Variants in TPCN1 observed in about 807,000 individuals in gnomAD.
The protein encoded by TPCN1 is two pore segment channel 1.
In TPCN1, 52 loss-of-function variants were observed where a neutral mutation model predicts 108.8. That is an observed-to-expected ratio of 0.48 (90% CI 0.38 to 0.60). TPCN1 has a LOEUF of 0.60. Among genes scored for constraint, TPCN1 ranks in the 20% least tolerant of loss-of-function variants. TPCN1 has a pLI of 0.00. For missense variants in TPCN1, 806 were observed against 1,072.8 expected (o/e 0.75, Z 3.47); for synonymous variants, 446 against 433.7 (o/e 1.03, Z -0.35).
chr12:113,288,113 G>A lies in TPCN1; in HGVS notation c.1635-50G>A, dbSNP rs757254155. ...GGGCCGGCATGTTCTGAGGGCGGGG[G>A]CTGAGGCGTGCACCTGTGTGTGGAG... On this transcript the variant is annotated intron_variant, in intron 19 of 27. Coordinates refer to ENST00000335509, the MANE Select transcript of TPCN1 (RefSeq NM_017901.6). The surrounding 1 kb of genome is among the most constrained non-coding windows in gnomAD (Gnocchi z 4.8). The A allele has an allele frequency of 1.3e-5, 20 of 1,551,484 alleles. No homozygotes were observed. In the South Asian group the frequency reaches 2.0e-4, roughly 15 times the overall value.
chr12:113,272,303 C>T lies in TPCN1; in HGVS notation c.749-355C>T, dbSNP rs113913128. 5.5e-3 allele frequency among the ~76,000 whole-genome samples: 834 copies of T among 152,288 alleles called. 7 individuals carry two copies. Among genetic ancestry groups the T allele is most frequent in the African/African-American group, 0.018 (764 of 41,548 alleles). ...GTCATGTTCTCAGAACCTAAGATTG[C>T]GAAACAGCAGCCTGGATTCCAGATC... On this transcript the variant is annotated intron_variant, in intron 7 of 27. Coordinates refer to ENST00000335509, the MANE Select transcript of TPCN1 (RefSeq NM_017901.6). This position sits in a 1 kb window ranked among gnomAD's most constrained non-coding sequence, Gnocchi z 4.1.
In TPCN1 at chr12:113,287,026, G is replaced by T. The variant is rs1488119527; in HGVS notation, c.1566G>T (p.Leu522=). ...TGACAGTGTTCGCCTTCCTGGGACT[G>T]CTGGCGCTGGCCCTCAACATGGAGC... ...FSVTVFAFLG[L]LALALNMEPF... The change falls in exon 19 of 28, where the codon CTG becomes CTT. Residue 522 remains leucine, a synonymous_variant. Transcript: ENST00000335509. 4 of 1,613,890 alleles carry T rather than the reference G, an allele frequency of 2.5e-6. No individual in the cohort carries two copies. The highest frequency in any genetic ancestry group is 3.4e-6 in the Non-Finnish European group (4 of 1,179,982).
At position 113,291,653 on chromosome 12, in the gene TPCN1, C is replaced by T; in HGVS notation, c.2004C>T (p.Phe668=). 2 of 1,613,924 alleles carry T rather than the reference C, an allele frequency of 1.2e-6. No homozygotes were observed. Among genetic ancestry groups the T allele is most frequent in the Non-Finnish European group, 1.7e-6 (2 of 1,179,920 alleles). ...CCTCCCACTGGAGCCGCCTCTACTT[C>T]ATGACCTTTTACATTGTGACCATGG... ...SQTSHWSRLY[F]MTFYIVTMVV... Residue 668 remains phenylalanine (F), a synonymous_variant, in exon 24 of 28, where the codon TTC becomes TTT. Transcript: ENST00000335509.
At position 113,266,120 on chromosome 12, in the gene TPCN1, C is replaced by A; in HGVS notation, c.238-60C>A. On this transcript the variant is annotated intron_variant, in intron 3 of 27. Transcript: ENST00000335509. The surrounding 1 kb of genome is among the most constrained non-coding windows in gnomAD (Gnocchi z 4.2). ...TTCCTTTCCTCCCCTGCCCGCGGCTCCTCTTTGGCGTTGGATGGGTCTCCA... is the reference window on the plus strand; with the variant it reads ...TTCCTTTCCTCCCCTGCCCGCGGCTACTCTTTGGCGTTGGATGGGTCTCCA... The A allele has an allele frequency of 6.3e-7, 1 of 1,586,440 alleles. No homozygotes were observed. Among genetic ancestry groups the A allele is most frequent in the Non-Finnish European group, 8.6e-7 (1 of 1,161,204 alleles).
Position 113,268,999 on chromosome 12 carries a change from GACTCACTCTCCCTCTGC to G in TPCN1, c.659+128_659+144del, listed in dbSNP as rs2136629896. 3 of 1,068,836 alleles carry G rather than the reference GACTCACTCTCCCTCTGC, an allele frequency of 2.8e-6. No homozygotes were observed. The highest frequency in any genetic ancestry group is 4.1e-6 in the Non-Finnish European group (3 of 728,128). 66.2% of individuals were successfully genotyped at this position (1,068,836 alleles called of 1,614,324 possible). A position where few individuals can be genotyped will look rare whatever the true frequency, so the allele number is the denominator to read the frequency against. ...CCTGCATGCTGGTGGAGTACACGCAGACTCACTCTCCCTCTGCCATTCCATCCACGCACAGGAGAAAG... is the reference window on the plus strand; with the variant it reads ...CCTGCATGCTGGTGGAGTACACGCAGCATTCCATCCACGCACAGGAGAAAG... On this transcript the variant is annotated intron_variant, in intron 6 of 27. Transcript: ENST00000335509. The surrounding 1 kb of genome is among the most constrained non-coding windows in gnomAD (Gnocchi z 7.3).
chr12:113,270,122 G>A (rs1156399562), intron 7 of TPCN1, among the ~76,000 whole-genome samples: 1 of 152,048 alleles, frequency 6.6e-6, no homozygotes, highest in Non-Finnish European at 1.5e-5. Flanking sequence ...CTTGAACCCG[G>A]GAGGCCAAGG....
chr12:113,258,054 T>G (rs1393745807), intron 2 of TPCN1, among the ~76,000 whole-genome samples: 2 of 152,238 alleles, frequency 1.3e-5, no homozygotes, highest in Admixed American at 6.5e-5. Context: ...GTTATGGATA[T>G]GTTATCTTGA....
At chr12:113,225,544 TTTTA>T (rs953064867) in intron 1 of TPCN1, among the ~76,000 whole-genome samples, 18 of 152,088 alleles carry the variant, frequency 1.2e-4, no homozygotes, top group Non-Finnish European at 1.8e-4. Flanking sequence ...TTTATTCTGT[TTTTA>T]TTTATTTATT....
intron 4 of TPCN1, among the ~76,000 whole-genome samples, chr12:113,267,448 G>T (rs977733713): frequency 5.3e-5 from 8 of 151,260 alleles, no homozygotes; most frequent in African/African-American, 1.9e-4. Flanking sequence ...GCCCAGGCTG[G>T]TGTGCAGTGG....
chr12:113,232,489 C>T lies in TPCN1; in HGVS notation c.112+5525C>T, dbSNP rs1010576700. The stretch of plus-strand genomic sequence containing the variant: ...AGAGAAGAATACACCCCGAGGTGTG[C>T]GCTCCATCACTGATGTCTGTGCCGT... On this transcript the variant is annotated intron_variant, in intron 2 of 27. Coordinates refer to ENST00000335509, the MANE Select transcript of TPCN1 (RefSeq NM_017901.6). This position sits in a 1 kb window ranked among gnomAD's most constrained non-coding sequence, Gnocchi z 5.6. Among the ~76,000 whole-genome samples the T allele has an allele frequency of 7.2e-5, 11 of 152,372 alleles. No individual in the cohort carries two copies. Among genetic ancestry groups the T allele is most frequent in the South Asian group, 2.1e-4 (1 of 4,830 alleles).
At position 113,253,467 on chromosome 12, in the gene TPCN1, C is replaced by T. The variant is rs558374812; in HGVS notation, c.113-6901C>T. Among the ~76,000 whole-genome samples the T allele has an allele frequency of 4.6e-5, 7 of 152,254 alleles. 1 individual carries two copies. The South Asian group carries it at 8.3e-4, about 18-fold the overall frequency. On this transcript the variant is annotated intron_variant, in intron 2 of 27. Transcript: ENST00000335509. ...GTGGAGTTGTCTTTTTGCTGTTGTA[C>T]GTAACATCTGTTTGGACAGCTTAAC...
chr12:113,232,585 C>A lies in TPCN1; in HGVS notation c.112+5621C>A, dbSNP rs542372740. ...GAAGAAGCCCAAGGGGCTTGCACAGCTTTTGTCACTTGTGATACCATGGTG... is the reference window on the plus strand; with the variant it reads ...GAAGAAGCCCAAGGGGCTTGCACAGATTTTGTCACTTGTGATACCATGGTG... On this transcript the variant is annotated intron_variant, in intron 2 of 27. Coordinates refer to ENST00000335509, the MANE Select transcript of TPCN1 (RefSeq NM_017901.6). This position sits in a 1 kb window ranked among gnomAD's most constrained non-coding sequence, Gnocchi z 5.6. 3.3e-5 allele frequency among the ~76,000 whole-genome samples: 5 copies of A among 152,362 alleles called. No individual in the cohort carries two copies. In the East Asian group the frequency reaches 9.6e-4, roughly 29 times the overall value.
At chr12:113,265,330 T>C (rs570162589) in intron 3 of TPCN1, among the ~76,000 whole-genome samples, 1 of 152,292 alleles carries the variant, frequency 6.6e-6, no homozygotes, top group South Asian at 2.1e-4. Flanking sequence ...TGTTAGTTCC[T>C]TTATCGTTGA....
intron 27 of TPCN1, among the ~76,000 whole-genome samples, chr12:113,293,901 G>A (rs1038739467): frequency 7.2e-5 from 11 of 152,228 alleles, no homozygotes; most frequent in Admixed American, 4.6e-4. Context: ...GCAGCAGCAC[G>A]ATCTAGGCTC....
rs1382794760 is a variant in TPCN1, at chr12:113,231,615, C to T, written c.112+4651C>T. Among the ~76,000 whole-genome samples, 1 of 152,200 alleles carries T rather than the reference C, an allele frequency of 6.6e-6. No individual in the cohort carries two copies. The highest frequency in any genetic ancestry group is 1.9e-4 in the East Asian group (1 of 5,198). On this transcript the variant is annotated intron_variant, in intron 2 of 27. Coordinates refer to ENST00000335509, the MANE Select transcript of TPCN1 (RefSeq NM_017901.6). This position sits in a 1 kb window ranked among gnomAD's most constrained non-coding sequence, Gnocchi z 4.3. ...GGACTGAGGAATCTGGCTGTGCTGC[C>T]TGTGACCTTTAACCCTATGTGAGGG...
Position 113,269,766 on chromosome 12 carries a change from G to T in TPCN1, c.669G>T (p.Arg223=). The T allele has an allele frequency of 6.2e-7, 1 of 1,613,550 alleles. No homozygotes were observed. ...RYCGGVRRNL[R]QIFQSLPPFM... is the part of the protein sequence containing the mutation. ...GCCCATCTCTCCCCAGCAACCTGCG[G>T]CAGATCTTCCAGTCCCTGCCGCCCT... Residue 223 remains arginine (R), a synonymous_variant, in exon 7 of 28, where the codon CGG becomes CGT. Transcript: ENST00000335509. This position sits in a 1 kb window ranked among gnomAD's most constrained non-coding sequence, Gnocchi z 5.0.
chr12:113,293,536 C>A (rs1429463146), intron 27 of TPCN1, among the ~76,000 whole-genome samples, 187 bp downstream of exon 27: 1 of 152,196 alleles, frequency 6.6e-6, no homozygotes, highest in East Asian at 1.9e-4. Flanking sequence ...ACCCTTGACT[C>A]GTGCCCAGCA....
In TPCN1 at chr12:113,266,487, GT is replaced by G; in HGVS notation, c.414+132del. 8.0e-7 allele frequency: 1 copy of G among 1,246,912 alleles called. No homozygotes were observed. Among genetic ancestry groups the G allele is most frequent in the African/African-American group, 1.5e-5 (1 of 67,200 alleles). 77.2% of individuals were successfully genotyped at this position (1,246,912 alleles called of 1,614,324 possible). ...ACTTAAAACAGAGAGATACGAGGTGGTCATAGAGGCCTTGGGAGCGGAAATG... is the reference window on the plus strand; with the variant it reads ...ACTTAAAACAGAGAGATACGAGGTGGCATAGAGGCCTTGGGAGCGGAAATG... On this transcript the variant is annotated intron_variant, in intron 4 of 27. Transcript: ENST00000335509. This position sits in a 1 kb window ranked among gnomAD's most constrained non-coding sequence, Gnocchi z 4.2.
intron 2 of TPCN1, among the ~76,000 whole-genome samples, chr12:113,227,810 G>A (rs562417222): frequency 1.3e-5 from 2 of 152,270 alleles, no homozygotes; most frequent in South Asian, 4.1e-4. Flanking sequence ...AGGCTCTCCC[G>A]TCTCATTTGT....
Sources: gnomAD v4.1 joint callset for allele counts (sites outside exome capture counted in the v4.1 genomes callset) on GRCh38, gnomAD v4.1.1 for gene constraint, Gnocchi (gnomAD v3.1) non-coding constraint, MANE v1.5 for transcripts, NCBI Gene and HGNC (gene_info 2026-07-23, HGNC 2026-07-21) for gene names.